Variants in PTPRD observed in about 807,000 individuals in gnomAD.
PTPRD encodes the protein receptor-type tyrosine-protein phosphatase delta.
A neutral mutation model predicts 214.5 loss-of-function variants in PTPRD; 34 were observed. The observed-to-expected ratio is 0.16, with a 90% confidence interval of 0.12 to 0.21. PTPRD has a LOEUF of 0.21. Among genes scored for constraint, PTPRD ranks in the 10% least tolerant of loss-of-function variants. The pLI is 1.00. For synonymous variants in PTPRD, 1,128 were observed against 845.7 expected (o/e 1.33, Z -5.79); for missense variants, 2,545 against 2,398.7 (o/e 1.06, Z -1.27).
intron 10 of PTPRD, among the ~76,000 whole-genome samples, chr9:9,073,548 T>C (rs530804181): frequency 4.9e-4 from 75 of 152,208 alleles, no homozygotes; most frequent in Admixed American, 1.6e-3. Context: ...TCTCATTAAA[T>C]TTGCTGAAGG....
At chr9:9,044,899 A>G (rs2099667351) in intron 10 of PTPRD, among the ~76,000 whole-genome samples, 1 of 152,218 alleles carries the variant, frequency 6.6e-6, no homozygotes, top group Non-Finnish European at 1.5e-5. Flanking sequence ...TAGAAGCACA[A>G]CCCAAGACAG....
intron 9 of PTPRD, among the ~76,000 whole-genome samples, chr9:9,268,764 A>G (rs1941374473): frequency 7.3e-5 from 11 of 150,254 alleles, no homozygotes; most frequent in Admixed American, 6.7e-4. Flanking sequence ...GAGAAAGGAT[A>G]GTGTCTTCAA....
At chr9:8,655,696 T>C (rs2096894952) in intron 12 of PTPRD, among the ~76,000 whole-genome samples, 1 of 152,148 alleles carries the variant, frequency 6.6e-6, no homozygotes. Context: ...CTTTCTATTT[T>C]TTATATTCCC....
intron 2 of PTPRD, among the ~76,000 whole-genome samples, chr9:10,348,906 T>C (rs995241616): frequency 5.9e-5 from 9 of 152,020 alleles, no homozygotes; most frequent in Non-Finnish European, 1.0e-4. Flanking sequence ...AAACTCCTTG[T>C]GTGCCCCAAG....
At chr9:9,080,046 T>C (rs113602662) in intron 10 of PTPRD, among the ~76,000 whole-genome samples, 73 of 152,168 alleles carry the variant, frequency 4.8e-4, no homozygotes, top group African/African-American at 1.6e-3. Context: ...TGTGATCATG[T>C]AGAATTCTGG....
chr9:9,074,638 C>T (rs532089339), intron 10 of PTPRD, among the ~76,000 whole-genome samples: 2 of 151,970 alleles, frequency 1.3e-5, no homozygotes, highest in East Asian at 3.9e-4. Flanking sequence ...CTTTCATGTG[C>T]CTGTTTGCCA....
intron 11 of PTPRD, among the ~76,000 whole-genome samples, chr9:8,929,705 GTA>G (rs370800130): frequency 4.6e-5 from 6 of 130,736 alleles, no homozygotes; most frequent in Admixed American, 7.7e-5. Flanking sequence ...ATATATATGT[GTA>G]TATATATATG....
At chr9:8,977,089 A>G (rs1031042921) in intron 11 of PTPRD, among the ~76,000 whole-genome samples, 1 of 152,062 alleles carries the variant, frequency 6.6e-6, no homozygotes. Context: ...CCATCCATCA[A>G]TGATCAGTTA....
intron 2 of PTPRD, among the ~76,000 whole-genome samples, chr9:10,384,269 C>G (rs2097873135): frequency 6.6e-6 from 1 of 151,514 alleles, no homozygotes; most frequent in Non-Finnish European, 1.5e-5. Flanking sequence ...ATGCCTATAT[C>G]AAAATATCTC....
chr9:9,779,386 C>T (rs2494403), intron 5 of PTPRD, among the ~76,000 whole-genome samples: 1 of 151,752 alleles, frequency 6.6e-6, no homozygotes, highest in Non-Finnish European at 1.5e-5. Flanking sequence ...TTCTGCACAG[C>T]GAAAGAAACT....
chr9:8,476,590 AT>A (rs933721079), intron 30 of PTPRD, among the ~76,000 whole-genome samples: 1 of 152,112 alleles, frequency 6.6e-6, no homozygotes, highest in East Asian at 1.9e-4. Flanking sequence ...ATCTTCTCTG[AT>A]TTTTTTTAAA....
At chr9:10,503,810 T>C (rs1439684043) in intron 2 of PTPRD, among the ~76,000 whole-genome samples, 1 of 151,868 alleles carries the variant, frequency 6.6e-6, no homozygotes, top group Admixed American at 6.6e-5. Flanking sequence ...GGAAAGAGAC[T>C]GTAATTTTAG....
chr9:8,755,739 A>C (rs2093945751), intron 11 of PTPRD, among the ~76,000 whole-genome samples: 1 of 152,202 alleles, frequency 6.6e-6, no homozygotes, highest in South Asian at 2.1e-4. Flanking sequence ...CATTTTGAAG[A>C]AACTAAATTG....
At position 10,244,049 on chromosome 9, in the gene PTPRD, A is replaced by G. The variant is rs2091636245; in HGVS notation, c.-545+96914T>C. Among the ~76,000 whole-genome samples, 4 of 152,080 alleles carry G rather than the reference A, an allele frequency of 2.6e-5. 1 individual carries two copies. In the South Asian group the frequency reaches 8.3e-4, roughly 32 times the overall value. On this transcript the variant is annotated intron_variant, in intron 3 of 45. Transcript: ENST00000381196. ...GGGAGGATTAAATGTAATATACGTA[A>G]AGTGCATAGAATGAGACTATAGAGA...
chr9:8,694,376 A>T (rs911180928), intron 12 of PTPRD, among the ~76,000 whole-genome samples: 1 of 152,182 alleles, frequency 6.6e-6, no homozygotes, highest in Non-Finnish European at 1.5e-5. Context: ...ACCCCAAAAC[A>T]AATGCATACT....
Position 8,738,849 on chromosome 9 carries a change from A to G in PTPRD, c.-103-4903T>C, listed in dbSNP as rs576389494. On this transcript the variant is annotated intron_variant, in intron 11 of 45. Coordinates refer to ENST00000381196, the MANE Select transcript of PTPRD (RefSeq NM_002839.4). ...ATCTCTGAACATTTTTCATTTTTCT[A>G]TCATAACAAACCCATCCTCTCAAGT... Among the ~76,000 whole-genome samples, 5 of 152,308 alleles carry G rather than the reference A, an allele frequency of 3.3e-5. 1 individual carries two copies. Among genetic ancestry groups the G allele is most frequent in the African/African-American group, 7.2e-5 (3 of 41,580 alleles).
At chr9:9,688,848 A>G (rs1162213223) in intron 7 of PTPRD, among the ~76,000 whole-genome samples, 1 of 151,886 alleles carries the variant, frequency 6.6e-6, no homozygotes, top group Non-Finnish European at 1.5e-5. Context: ...AAAAAAAACA[A>G]AGCTAAGGGG....
chr9:8,580,948 A>G (rs892391748), intron 14 of PTPRD, among the ~76,000 whole-genome samples: 1 of 152,216 alleles, frequency 6.6e-6, no homozygotes, highest in African/African-American at 2.4e-5. Flanking sequence ...TGAAAAGCAG[A>G]TTTGTTGTTG....
At chr9:9,661,868 G>A (rs140227765) in intron 7 of PTPRD, among the ~76,000 whole-genome samples, 201 of 151,820 alleles carry the variant, frequency 1.3e-3, no homozygotes, top group African/African-American at 4.6e-3. Flanking sequence ...TTTCAGCCCA[G>A]ATATTAAACA....
Sources: gnomAD v4.1 joint callset for allele counts (sites outside exome capture counted in the v4.1 genomes callset) on GRCh38, gnomAD v4.1.1 for gene constraint, MANE v1.5 for transcripts, NCBI Gene and HGNC (gene_info 2026-07-23, HGNC 2026-07-21) for gene names.